The following FBRS variants were observed in gnomAD, a reference collection of about 807,000 sequenced individuals.
FBRS encodes fibrosin, also known as probable fibrosin-1.
In FBRS, 15 loss-of-function variants were observed where a neutral mutation model predicts 86.1. The observed-to-expected ratio is 0.17, with a 90% CI of 0.12 to 0.27. FBRS has a LOEUF of 0.27. FBRS is among the 10% of genes least tolerant of loss of function. FBRS has a pLI of 1.00. For synonymous variants in FBRS, 666 were observed against 575.8 expected (o/e 1.16, Z -2.24); for missense variants, 1,367 against 1,301.6 (o/e 1.05, Z -0.77).
Position 30,669,439 on chromosome 16 carries a change from G to A in FBRS, c.2737G>A (p.Ala913Thr), listed in dbSNP as rs1434064203. The change falls in exon 18 of 18, where the codon GCC becomes ACC. Residue 913 changes from alanine (A) to threonine (T), a missense_variant. Physicochemically the swap from Ala to Thr is moderately conservative, Grantham distance 58. This residue lies in a region of FBRS where 659 missense variants were observed against 678.8 expected (regional missense o/e 0.97). Transcript: ENST00000356166. The surrounding 1 kb of genome is among the most constrained non-coding windows in gnomAD (Gnocchi z 5.9). ...ELTGPGAVAA[A>T]RLYGLEPAHP... ...AACTGGACCCGGGGCCGTGGCCGCT[G>A]CCCGCCTCTACGGTCTGGAACCTGC... The A allele has an allele frequency of 4.3e-6, 7 of 1,612,712 alleles. No individual in the cohort carries two copies. Among genetic ancestry groups the A allele is most frequent in the Non-Finnish European group, 5.9e-6 (7 of 1,179,798 alleles).
In FBRS at chr16:30,668,948, G is replaced by A. The variant is rs759545282; in HGVS notation, c.2335G>A (p.Glu779Lys). ...SDKERPVERR[E>K]PSITKEEKDR... ...CAAGGAGCGGCCTGTGGAGCGGAGG[G>A]AGCCCTCCATCACCAAGGAGGAGAA... Residue 779 changes from glutamate (E) to lysine (K), a missense_variant, in exon 17 of 18, where the codon GAG becomes AAG. Around this residue, in one of 3 missense-constraint regions of FBRS, gnomAD observed 659 missense variants for 678.8 expected, o/e 0.97. Coordinates refer to ENST00000356166, the MANE Select transcript of FBRS (RefSeq NM_001105079.3). The A allele has an allele frequency of 2.5e-6, 4 of 1,587,038 alleles. No individual in the cohort carries two copies. In the Admixed American group the frequency reaches 7.1e-5, roughly 28 times the overall value.
Position 30,669,826 on chromosome 16 carries a change from A to G in FBRS, c.*181A>G. The G allele has an allele frequency of 2.6e-6, 2 of 782,734 alleles. No individual in the cohort carries two copies. The highest frequency in any genetic ancestry group is 4.0e-6 in the Non-Finnish European group (2 of 504,680). The allele number at this position is 782,734 out of a possible 1,614,324, so 48.5% of individuals were successfully genotyped here. On this transcript the variant is annotated 3_prime_UTR_variant, in exon 18 of 18. Transcript: ENST00000356166. The surrounding 1 kb of genome is among the most constrained non-coding windows in gnomAD (Gnocchi z 5.9). Reference sequence around the variant, plus strand: ...CAAGACCAAGCATCACATGGAGTGTAGGGTCACTGGGAGAGCAGAGGTCAC... The same window carrying G: ...CAAGACCAAGCATCACATGGAGTGTGGGGTCACTGGGAGAGCAGAGGTCAC...
Position 30,665,750 on chromosome 16 carries a change from T to TG in FBRS, c.1773+45dup. 6.5e-7 allele frequency: 1 copy of TG among 1,541,902 alleles called. No individual in the cohort carries two copies. Among genetic ancestry groups the TG allele is most frequent in the Non-Finnish European group, 8.8e-7 (1 of 1,136,996 alleles). Reference sequence around the variant, plus strand: ...GTCCTGGGGGAGCTGGAAGGTGTGTTGCGGGGAGAACAGAACTGACTTGAG... The same window carrying TG: ...GTCCTGGGGGAGCTGGAAGGTGTGTTGGCGGGGAGAACAGAACTGACTTGAG... On this transcript the variant is annotated intron_variant, in intron 11 of 17. Coordinates refer to ENST00000356166, the MANE Select transcript of FBRS (RefSeq NM_001105079.3). The surrounding 1 kb of genome is among the most constrained non-coding windows in gnomAD (Gnocchi z 4.1).
Position 30,665,359 on chromosome 16 carries a change from G to A in FBRS, c.1662G>A (p.Pro554=), listed in dbSNP as rs554764941. The stretch of plus-strand genomic sequence containing the variant: ...CCGGGCTGCCTCCGGGCCTCCCGCC[G>A]GCCGTCTCCTTTGGCTCCCTGCAGG... The part of the protein sequence containing the change: ...AVPGLPPGLP[P]AVSFGSLQGA... Residue 554 remains proline (P), a synonymous_variant, in exon 10 of 18, where the codon CCG becomes CCA. Coordinates refer to ENST00000356166, the MANE Select transcript of FBRS (RefSeq NM_001105079.3). This position sits in a 1 kb window ranked among gnomAD's most constrained non-coding sequence, Gnocchi z 4.1. 76 of 1,571,812 alleles carry A rather than the reference G, an allele frequency of 4.8e-5. No individual in the cohort carries two copies. The East Asian group carries it at 9.0e-4, about 19-fold the overall frequency.
intron 15 of FBRS, chr16:30,667,854 C>A: frequency 2.2e-6 from 1 of 450,966 alleles, no homozygotes; most frequent in South Asian, 5.3e-5. Context: ...TCCCAGTAGC[C>A]AGTGGCAGGG....
Position 30,659,872 on chromosome 16 carries a change from AGAC to A in FBRS, c.359_361del (p.Asp120del), listed in dbSNP as rs1567543099. ...AGGAGGAGGAGGAGGAGGGGGGCGC[AGAC>A]GACGGCGAAGCCGAGGAGGAGCCTG... is the stretch of plus-strand genomic sequence containing the variant. On this transcript the variant is annotated inframe_deletion, in exon 1 of 18. Transcript: ENST00000356166. 4 of 1,543,940 alleles carry A rather than the reference AGAC, an allele frequency of 2.6e-6. No individual in the cohort carries two copies. The highest frequency in any genetic ancestry group is 3.9e-5 in the Admixed American group (2 of 50,830).
chr16:30,658,581 C>T lies in FBRS; in HGVS notation c.-938C>T, dbSNP rs2052413269. ...TCGGCCGTTCCGGATCCCCTAAGGC[C>T]CAAGTCGGACAGAGACGGAGGAAAG... is the stretch of plus-strand genomic sequence containing the variant. On this transcript the variant is annotated 5_prime_UTR_variant, in exon 1 of 18. Coordinates refer to ENST00000356166, the MANE Select transcript of FBRS (RefSeq NM_001105079.3). 6.6e-6 allele frequency: 1 copy of T among 152,522 alleles called. No homozygotes were observed. Among genetic ancestry groups the T allele is most frequent in the Non-Finnish European group, 1.5e-5 (1 of 68,238 alleles). 9.4% of individuals were successfully genotyped at this position (152,522 alleles called of 1,614,324 possible).
intron 4 of FBRS, among the ~76,000 whole-genome samples, chr16:30,661,588 C>T (rs562292105): frequency 1.3e-5 from 2 of 152,164 alleles, no homozygotes; most frequent in East Asian, 3.9e-4. Context: ...TTCCAAAGCC[C>T]TTGAGCTACT....
At position 30,667,312 on chromosome 16, in the gene FBRS, C is replaced by T. The variant is rs2052534709; in HGVS notation, c.1876-8C>T. On this transcript the variant is annotated splice_region_variant and splice_polypyrimidine_tract_variant and intron_variant, in intron 13 of 17. Transcript: ENST00000356166. Reference sequence around the variant, plus strand: ...CATGTACTGCCCCTCTCCCTGTGTCCCACACAGGGTGACTCCCACAAGCTT... The same window carrying T: ...CATGTACTGCCCCTCTCCCTGTGTCTCACACAGGGTGACTCCCACAAGCTT... 2 of 1,536,346 alleles carry T rather than the reference C, an allele frequency of 1.3e-6. No homozygotes were observed. Among genetic ancestry groups the T allele is most frequent in the African/African-American group, 2.8e-5 (2 of 72,656 alleles).
rs1377188753 is a variant in FBRS, at chr16:30,661,301, C to T, written c.676-3C>T. ...TGACACCTCTGTCTTTCCTTCTCCCCAGTGTGACGCGGAAAGTGATCTGGA... is the reference window on the plus strand; with the variant it reads ...TGACACCTCTGTCTTTCCTTCTCCCTAGTGTGACGCGGAAAGTGATCTGGA... On this transcript the variant is annotated splice_region_variant and splice_polypyrimidine_tract_variant and intron_variant, in intron 3 of 17. Transcript: ENST00000356166. 3.2e-6 allele frequency: 5 copies of T among 1,550,764 alleles called. No homozygotes were observed. Among genetic ancestry groups the T allele is most frequent in the East Asian group, 2.4e-5 (1 of 40,902 alleles).
rs1567545857 is a variant in FBRS, at chr16:30,665,070, C to G, written c.1599C>G (p.Phe533Leu). The G allele has an allele frequency of 1.2e-6, 2 of 1,613,450 alleles. No homozygotes were observed. The highest frequency in any genetic ancestry group is 1.7e-6 in the Non-Finnish European group (2 of 1,179,814). The change falls in exon 9 of 18, where the codon TTC becomes TTG. Residue 533 changes from phenylalanine (F) to leucine (L), a missense_variant. Around this residue, in one of 3 missense-constraint regions of FBRS, gnomAD observed 659 missense variants for 678.8 expected, o/e 0.97. Coordinates refer to ENST00000356166, the MANE Select transcript of FBRS (RefSeq NM_001105079.3). This position sits in a 1 kb window ranked among gnomAD's most constrained non-coding sequence, Gnocchi z 4.1. ...EKYPGKMEGL[F>L]RHNPYTAFPP... is the part of the protein sequence containing the mutation. ...ATCCAGGAAAGATGGAAGGCCTTTT[C>G]CGACATAATGTGAGTGTGTGTGTGC...
chr16:30,662,800 C>T lies in FBRS; in HGVS notation c.996C>T (p.Val332=), dbSNP rs766740254. The T allele has an allele frequency of 2.9e-5, 43 of 1,490,150 alleles. No individual in the cohort carries two copies. The Middle Eastern group carries it at 1.2e-3, about 43-fold the overall frequency. The allele number at this position is 1,490,150 out of a possible 1,614,324, so 92.3% of individuals were successfully genotyped here. A position where few individuals can be genotyped will look rare whatever the true frequency, so the allele number is the denominator to read the frequency against. The change falls in exon 6 of 18, where the codon GTC becomes GTT. Residue 332 remains valine, a synonymous_variant. Coordinates refer to ENST00000356166, the MANE Select transcript of FBRS (RefSeq NM_001105079.3). ...CCCAGCCCCAGCTGCAGCTTCGGGT[C>T]TCACCCTTCGGCCTCCGCACTTCTC... ...PPPQPQLQLR[V]SPFGLRTSPY...
chr16:30,666,870 G>T, intron 12 of FBRS, 49 bp from the exon 13 acceptor site: 1 of 1,578,864 alleles, frequency 6.3e-7, no homozygotes, highest in South Asian at 1.1e-5. Context: ...GATGATGAGT[G>T]AACGTTCTTT....
rs2052561300 is a variant in FBRS at position 30,669,161 on chromosome 16, C to T, written c.2459C>T (p.Ser820Phe). The part of the protein sequence containing the change: ...GEEGPRPTKE[S>F]VRVKEERKEE... The stretch of plus-strand genomic sequence containing the variant: ...GAGGGGCCTCGGCCAACCAAGGAAT[C>T]TGTGCGGGTAAAGGAAGAGCGGAAG... Residue 820 changes from serine (S) to phenylalanine (F), a missense_variant, in exon 18 of 18, where the codon TCT (serine) becomes TTT (phenylalanine). Physicochemically the swap from Ser to Phe is radical, Grantham distance 155. Transcript: ENST00000356166. The surrounding 1 kb of genome is among the most constrained non-coding windows in gnomAD (Gnocchi z 5.9). The T allele has an allele frequency of 6.4e-7, 1 of 1,559,600 alleles. No individual in the cohort carries two copies. Among genetic ancestry groups the T allele is most frequent in the Non-Finnish European group, 8.7e-7 (1 of 1,152,768 alleles).
rs771062025 is a variant in FBRS, at chr16:30,669,231, TGCC to T, written c.2538_2540del (p.Ala849del). The T allele has an allele frequency of 6.5e-7, 1 of 1,545,760 alleles. No individual in the cohort carries two copies. Among genetic ancestry groups the T allele is most frequent in the Non-Finnish European group, 8.7e-7 (1 of 1,143,790 alleles). ...CTGCCGCTGCTGCTGCCGCCGCCGC[TGCC>T]GCCGCCGCAGCAGCCACTGGGCCCC... On this transcript the variant is annotated inframe_deletion, in exon 18 of 18. Transcript: ENST00000356166. The surrounding 1 kb of genome is among the most constrained non-coding windows in gnomAD (Gnocchi z 5.9).
rs746156246 is a variant in FBRS at position 30,659,842 on chromosome 16, AGAGGAGGAG to A, written c.338_346del (p.Glu113_Glu115del). Reference sequence around the variant, plus strand: ...CCGGCTCGGGCAGCCGCGGGGAGGAAGAGGAGGAGGAGGAGGAGGAGGGGGGCGCAGACG... The same window carrying A: ...CCGGCTCGGGCAGCCGCGGGGAGGAAGAGGAGGAGGAGGGGGGCGCAGACG... On this transcript the variant is annotated inframe_deletion, in exon 1 of 18. Transcript: ENST00000356166. 48 of 1,517,904 alleles carry A rather than the reference AGAGGAGGAG, an allele frequency of 3.2e-5. No homozygotes were observed. The highest frequency in any genetic ancestry group is 3.7e-5 in the Non-Finnish European group (42 of 1,133,266). The allele number at this position is 1,517,904 out of a possible 1,614,324, so 94.0% of individuals were successfully genotyped here.
intron 15 of FBRS, 148 bp downstream of exon 15, chr16:30,667,770 C>A: frequency 1.6e-6 from 1 of 629,992 alleles, no homozygotes; most frequent in South Asian, 2.8e-5. Flanking sequence ...CCCCTCTGAG[C>A]CTTGATTTCC....
At position 30,669,589 on chromosome 16, in the gene FBRS, G is replaced by GC. The variant is rs776673463; in HGVS notation, c.2893dup (p.Arg965ProfsTer7). On this transcript the variant is annotated frameshift_variant, in exon 18 of 18. Transcript: ENST00000356166. LOFTEE classifies it high-confidence loss of function. This position sits in a 1 kb window ranked among gnomAD's most constrained non-coding sequence, Gnocchi z 5.9. ...GGGGGCACCACCTCCGCTTGTGCCC[G>GC]CCCCCCGGCCCAGTTCCCCACCTAG... 3 of 1,610,734 alleles carry GC rather than the reference G, an allele frequency of 1.9e-6. No homozygotes were observed. The highest frequency in any genetic ancestry group is 8.5e-7 in the Non-Finnish European group (1 of 1,179,436).
At chr16:30,660,114 C>G in intron 1 of FBRS, 137 bp downstream of exon 1, 1 of 1,432,644 alleles carries the variant, frequency 7.0e-7, no homozygotes, top group Non-Finnish European at 9.2e-7. Flanking sequence ...GGCCAGGCCT[C>G]TGCCCCGCCC....
Sources: allele counts gnomAD v4.1 joint callset (sites outside exome capture counted in the v4.1 genomes callset), GRCh38; gene constraint gnomAD v4.1.1; regional missense constraint gnomAD v4.1.1; non-coding constraint Gnocchi (gnomAD v3.1); transcripts MANE v1.5; gene names NCBI Gene and HGNC (gene_info 2026-07-23, HGNC 2026-07-21).